The following RAP1GAP2 variants were observed in gnomAD, a reference collection of about 807,000 sequenced individuals.
RAP1GAP2 encodes RAP1 GTPase activating protein 2, also known as rap1 GTPase-activating protein 2.
RAP1GAP2 carries 27 observed loss-of-function variants against 95.0 expected under a neutral mutation model. That is an observed-to-expected ratio of 0.28 (90% CI 0.21 to 0.39). The LOEUF is 0.39. Ranked by LOEUF, RAP1GAP2 falls within the 10% of genes least tolerant of loss-of-function variation. The pLI, the probability that RAP1GAP2 is intolerant of heterozygous loss-of-function variation, is 1.00. For missense variants in RAP1GAP2, 771 were observed against 970.0 expected (o/e 0.79, Z 2.72); for synonymous variants, 373 against 380.9 (o/e 0.98, Z 0.24).
intron 2 of RAP1GAP2, among the ~76,000 whole-genome samples, chr17:2,898,852 C>G (rs1383078620): frequency 6.8e-6 from 1 of 146,422 alleles, no homozygotes; most frequent in Non-Finnish European, 1.5e-5. Context: ...GTAGTCACAC[C>G]GTTTTACAGA....
intron 4 of RAP1GAP2, among the ~76,000 whole-genome samples, chr17:2,958,187 G>A (rs2044190546): frequency 6.6e-6 from 1 of 152,090 alleles, no homozygotes; most frequent in South Asian, 2.1e-4. Context: ...TGGGAGGCTG[G>A]CTTGTGTTCA....
chr17:3,017,076 C>T (rs920843896), intron 17 of RAP1GAP2, among the ~76,000 whole-genome samples: 7 of 152,288 alleles, frequency 4.6e-5, no homozygotes, highest in South Asian at 2.1e-4. Context: ...CCAGAGTCCC[C>T]TGGGACTTCT....
intron 3 of RAP1GAP2, among the ~76,000 whole-genome samples, chr17:2,914,489 TTTC>T (rs1291089032): frequency 6.6e-6 from 1 of 152,222 alleles, no homozygotes; most frequent in East Asian, 1.9e-4. Context: ...GTTCGTTTCT[TTTC>T]TTCTTCTTCT....
chr17:2,947,527 C>T (rs1173508346), intron 3 of RAP1GAP2, among the ~76,000 whole-genome samples: 1 of 152,206 alleles, frequency 6.6e-6, no homozygotes, highest in Non-Finnish European at 1.5e-5. Flanking sequence ...AATATTTAGT[C>T]ATTCATCTGG....
At chr17:2,967,747 C>G (rs1228115947) in intron 8 of RAP1GAP2, among the ~76,000 whole-genome samples, 1 of 152,174 alleles carries the variant, frequency 6.6e-6, no homozygotes, top group African/African-American at 2.4e-5. Context: ...TTGCCAGACA[C>G]AAAGAAGAAA....
intron 1 of RAP1GAP2, among the ~76,000 whole-genome samples, chr17:2,790,926 C>G (rs138271964): frequency 6.6e-6 from 1 of 152,224 alleles, no homozygotes; most frequent in South Asian, 2.1e-4. Flanking sequence ...CCGGGCGCTG[C>G]GAGCGCCGTG....
intron 17 of RAP1GAP2, among the ~76,000 whole-genome samples, chr17:3,013,896 T>C (rs1468646103): frequency 2.0e-5 from 3 of 152,218 alleles, no homozygotes; most frequent in Non-Finnish European, 4.4e-5. Flanking sequence ...AGAGATTCAA[T>C]AGATCTTGTA....
In RAP1GAP2 at chr17:2,759,869, C is replaced by T. The variant is rs141811129; in HGVS notation, c.50+4102C>T. Among the ~76,000 whole-genome samples the T allele has an allele frequency of 7.9e-3, 1,208 of 152,230 alleles. 21 individuals are homozygous for T. Among genetic ancestry groups the T allele is most frequent in the African/African-American group, 0.027 (1,117 of 41,550 alleles). Reference sequence around the variant, plus strand: ...TGTTGAGATTATAGATTTGAGCCAGCGCGCCTGGCCCATGGTTGGATATAT... The same window carrying T: ...TGTTGAGATTATAGATTTGAGCCAGTGCGCCTGGCCCATGGTTGGATATAT... On this transcript the variant is annotated intron_variant, in intron 1 of 25. Transcript: ENST00000637138.
chr17:2,909,453 G>A (rs560463979), intron 3 of RAP1GAP2, among the ~76,000 whole-genome samples: 1 of 152,236 alleles, frequency 6.6e-6, no homozygotes, highest in South Asian at 2.1e-4. Context: ...CTTGTGAGGT[G>A]GGGAGCCTGG....
chr17:2,840,881 C>G lies in RAP1GAP2; in HGVS notation c.80+40331C>G, dbSNP rs1031732192. ...GGTGTGGTGGCCTGGGCCTGTAGTCCCAGTTACTCAGGAGGCTGAGGTAGG... is the reference window on the plus strand; with the variant it reads ...GGTGTGGTGGCCTGGGCCTGTAGTCGCAGTTACTCAGGAGGCTGAGGTAGG... On this transcript the variant is annotated intron_variant, in intron 2 of 24. Transcript: ENST00000254695. Among the ~76,000 whole-genome samples, 11 of 152,152 alleles carry G rather than the reference C, an allele frequency of 7.2e-5. 1 individual carries two copies. The highest frequency in any genetic ancestry group is 2.7e-4 in the African/African-American group (11 of 41,442).
At chr17:2,756,301 G>A (rs774790373) in intron 1 of RAP1GAP2, among the ~76,000 whole-genome samples, 1 of 152,236 alleles carries the variant, frequency 6.6e-6, no homozygotes, top group African/African-American at 2.4e-5. Context: ...GGGGGCCTAG[G>A]AGACCAGGGC....
intron 12 of RAP1GAP2, among the ~76,000 whole-genome samples, chr17:2,992,124 A>G (rs1464895383): frequency 1.3e-5 from 2 of 151,056 alleles, no homozygotes; most frequent in Non-Finnish European, 1.5e-5. Flanking sequence ...TGATGCAAAT[A>G]TAACAGTTCC....
At chr17:2,787,971 G>T (rs2068829976) in intron 1 of RAP1GAP2, among the ~76,000 whole-genome samples, 1 of 152,112 alleles carries the variant, frequency 6.6e-6, no homozygotes, top group Non-Finnish European at 1.5e-5. Flanking sequence ...TCCATTGTAC[G>T]CTTATTCTGC....
intron 1 of RAP1GAP2, among the ~76,000 whole-genome samples, chr17:2,769,581 A>T (rs557505292): frequency 6.6e-6 from 1 of 151,674 alleles, no homozygotes; most frequent in African/African-American, 2.4e-5. Context: ...ATGAAATAAC[A>T]TAAATAAAAT....
intron 13 of RAP1GAP2, among the ~76,000 whole-genome samples, 174 bp downstream of exon 13, chr17:2,995,640 T>C (rs1165267200): frequency 6.6e-6 from 1 of 152,214 alleles, no homozygotes; most frequent in African/African-American, 2.4e-5. Flanking sequence ...GCCGAGGCTG[T>C]GCCTCAGCGG....
Position 2,823,585 on chromosome 17 carries a change from C to T in RAP1GAP2, c.80+23035C>T, listed in dbSNP as rs142634099. On this transcript the variant is annotated intron_variant, in intron 2 of 24. Coordinates refer to ENST00000254695, the MANE Select transcript of RAP1GAP2 (RefSeq NM_015085.5). ...CATGGCGTAACGTGGGCTCTCTGGG[C>T]CCTCCAGAAAAGTGTGCCACTCGCT... Among the ~76,000 whole-genome samples the T allele has an allele frequency of 6.4e-3, 969 of 152,234 alleles. 3 individuals carry two copies. Among genetic ancestry groups the T allele is most frequent in the Middle Eastern group, 0.014 (4 of 294 alleles).
chr17:2,882,440 C>T (rs563196150), intron 2 of RAP1GAP2, among the ~76,000 whole-genome samples: 53 of 151,930 alleles, frequency 3.5e-4, no homozygotes, highest in Non-Finnish European at 5.7e-4. Flanking sequence ...TACAGGCACG[C>T]GCCACCACGC....
At chr17:3,031,715 G>A in intron 23 of RAP1GAP2, among the ~76,000 whole-genome samples, 1 of 145,348 alleles carries the variant, frequency 6.9e-6, no homozygotes, top group Non-Finnish European at 1.5e-5. Context: ...CAGATGTGAG[G>A]TGGGAAGGGC....
chr17:2,822,617 G>GTTTTTTTT (rs1212676493), intron 2 of RAP1GAP2, among the ~76,000 whole-genome samples: 1 of 117,742 alleles, frequency 8.5e-6, no homozygotes, highest in Non-Finnish European at 1.7e-5. Flanking sequence ...ATAAAACCCT[G>GTTTTTTTT]TTTTTTTTTG....
Sources: gnomAD v4.1 joint callset for allele counts (sites outside exome capture counted in the v4.1 genomes callset) on GRCh38, gnomAD v4.1.1 for gene constraint, MANE v1.5 for transcripts, NCBI Gene and HGNC (gene_info 2026-07-23, HGNC 2026-07-21) for gene names.